Variants in DCDC1 observed in about 807,000 individuals in gnomAD.
DCDC1 encodes the protein doublecortin domain containing 1.
Under a neutral mutation model 178.3 loss-of-function variants are expected in DCDC1, and 200 were observed. The ratio of observed to expected loss-of-function variants is 1.12; its 90% CI spans 1.00 to 1.26. DCDC1 has a LOEUF of 1.26. Among genes scored for constraint, DCDC1 ranks in the 50% most tolerant of loss-of-function variants. The probability of loss-of-function intolerance (pLI) is 0.00; values close to 1 mark genes in which losing one functional copy is unlikely to be tolerated. For synonymous variants in DCDC1, 690 were observed against 604.8 expected, an observed-to-expected ratio of 1.14 and a Z score of -2.07; for missense variants, 1,983 against 1,749.2, an observed-to-expected ratio of 1.13 and a Z score of -2.38.
At chr11:30,939,349 A>AC (rs1947488133) in intron 21 of DCDC1, among the ~76,000 whole-genome samples, 1 of 152,196 alleles carries the variant, frequency 6.6e-6, no homozygotes, top group Non-Finnish European at 1.5e-5. Flanking sequence ...GAGATCCTGG[A>AC]TGGACCACCA....
chr11:31,022,314 A>G (rs1952925458), intron 20 of DCDC1, among the ~76,000 whole-genome samples: 1 of 152,068 alleles, frequency 6.6e-6, no homozygotes, highest in African/African-American at 2.4e-5. Context: ...CTCTGCCTCT[A>G]TTGACAGATA....
At chr11:31,345,974 T>C (rs573207730) in intron 1 of DCDC1, among the ~76,000 whole-genome samples, 2 of 152,304 alleles carry the variant, frequency 1.3e-5, no homozygotes, top group South Asian at 4.1e-4. Flanking sequence ...CTGACTGATA[T>C]ACTATTGATT....
intron 9 of DCDC1, among the ~76,000 whole-genome samples, chr11:31,213,518 G>T (rs563459786): frequency 6.6e-6 from 1 of 151,936 alleles, no homozygotes; most frequent in African/African-American, 2.4e-5. Flanking sequence ...TCAGGAGTTT[G>T]AGACCAGCCT....
intron 9 of DCDC1, among the ~76,000 whole-genome samples, chr11:31,163,433 T>G (rs941118601): frequency 6.6e-6 from 1 of 152,188 alleles, no homozygotes; most frequent in African/African-American, 2.4e-5. Context: ...TTGTTTGTTT[T>G]TATTCCCATT....
chr11:31,160,674 T>C (rs1451986418), intron 9 of DCDC1, among the ~76,000 whole-genome samples: 2 of 152,180 alleles, frequency 1.3e-5, no homozygotes, highest in Non-Finnish European at 1.5e-5. Flanking sequence ...CACCAGCAGG[T>C]GCTACTTGTA....
intron 36 of DCDC1, 30 bp from the exon 37 acceptor site, chr11:30,881,338 A>G (rs763774086): frequency 6.2e-6 from 10 of 1,610,188 alleles, no homozygotes; most frequent in African/African-American, 1.3e-5. Context: ...CCACATTTGA[A>G]TACGGAATGG....
chr11:31,200,013 T>G (rs559740380), intron 9 of DCDC1, among the ~76,000 whole-genome samples: 1 of 152,228 alleles, frequency 6.6e-6, no homozygotes, highest in South Asian at 2.1e-4. Context: ...ATAAGGAATC[T>G]GGTATTTTTA....
At chr11:31,360,494 T>C (rs1951651635) in intron 1 of DCDC1, among the ~76,000 whole-genome samples, 1 of 152,208 alleles carries the variant, frequency 6.6e-6, no homozygotes, top group Non-Finnish European at 1.5e-5. Context: ...TGATAAAGTT[T>C]AACTTATAAA....
At chr11:31,200,317 T>C (rs1404960168) in intron 9 of DCDC1, among the ~76,000 whole-genome samples, 1 of 152,106 alleles carries the variant, frequency 6.6e-6, no homozygotes, top group Non-Finnish European at 1.5e-5. Flanking sequence ...CATTTCATGA[T>C]TCTGGATAAT....
At chr11:31,181,932 C>A (rs1968853910) in intron 9 of DCDC1, among the ~76,000 whole-genome samples, 1 of 152,022 alleles carries the variant, frequency 6.6e-6, no homozygotes, top group African/African-American at 2.4e-5. Flanking sequence ...AGCATGGGAA[C>A]TTTGTGAAGC....
intron 6 of DCDC1, among the ~76,000 whole-genome samples, chr11:31,295,230 G>A (rs188183235): frequency 1.6e-3 from 248 of 152,138 alleles, no homozygotes; most frequent in African/African-American, 5.7e-3. Context: ...ATTTTTGTTT[G>A]TATTATTTTT....
intron 20 of DCDC1, among the ~76,000 whole-genome samples, chr11:30,959,264 T>C (rs1948947917): frequency 6.6e-6 from 1 of 152,102 alleles, no homozygotes; most frequent in Admixed American, 6.5e-5. Context: ...ATTGAGGGCA[T>C]CTTATTCTCC....
rs574360320 is a variant in DCDC1 at position 30,967,173 on chromosome 11, A to C, written c.2592-14605T>G. Among the ~76,000 whole-genome samples, 137 of 110,126 alleles carry C rather than the reference A, an allele frequency of 1.2e-3. 1 individual carries two copies. Among genetic ancestry groups the C allele is most frequent in the African/African-American group, 4.4e-3 (124 of 28,012 alleles). 72.2% of individuals were successfully genotyped at this position (110,126 alleles called of 152,430 possible). Reference sequence around the variant, plus strand: ...TGGTAGCTTGATGGGGATGGCATTGAATCTGTAAATTACCTTGGGCAGTAT... The same window carrying C: ...TGGTAGCTTGATGGGGATGGCATTGCATCTGTAAATTACCTTGGGCAGTAT... On this transcript the variant is annotated intron_variant, in intron 20 of 38. Coordinates refer to ENST00000684477, the MANE Select transcript of DCDC1 (RefSeq NM_001387274.1).
intron 7 of DCDC1, among the ~76,000 whole-genome samples, chr11:31,266,529 T>G (rs1945176155): frequency 6.6e-6 from 1 of 152,198 alleles, no homozygotes; most frequent in Non-Finnish European, 1.5e-5. Flanking sequence ...TATTCCAAAT[T>G]GAAATTGAAA....
At chr11:31,140,838 C>A (rs932835579) in intron 9 of DCDC1, among the ~76,000 whole-genome samples, 1 of 152,200 alleles carries the variant, frequency 6.6e-6, no homozygotes, top group Non-Finnish European at 1.5e-5. Context: ...ACCTTCCAAA[C>A]TATATCAGTT....
chr11:30,960,060 C>T (rs1355984123), intron 20 of DCDC1, among the ~76,000 whole-genome samples: 1 of 152,148 alleles, frequency 6.6e-6, no homozygotes, highest in East Asian at 1.9e-4. Context: ...CAATCTAAAT[C>T]TCTATCTGAT....
intron 8 of DCDC1, among the ~76,000 whole-genome samples, chr11:31,259,851 T>G (rs1944664041): frequency 6.6e-6 from 1 of 152,180 alleles, no homozygotes; most frequent in Non-Finnish European, 1.5e-5. Context: ...TTCCCTCACT[T>G]AGTCTCTGTT....
chr11:31,209,170 A>G (rs1972210302), intron 9 of DCDC1, among the ~76,000 whole-genome samples: 2 of 152,206 alleles, frequency 1.3e-5, no homozygotes, highest in Non-Finnish European at 2.9e-5. Flanking sequence ...GTAGAAATAC[A>G]AAATTTGCAG....
intron 7 of DCDC1, among the ~76,000 whole-genome samples, chr11:31,267,519 T>C (rs1945251472): frequency 6.6e-6 from 1 of 152,174 alleles, no homozygotes; most frequent in South Asian, 2.1e-4. Flanking sequence ...TTCTAACTTA[T>C]GAGGAAAAGA....
Sources: gnomAD v4.1 joint callset for allele counts (sites outside exome capture counted in the v4.1 genomes callset) on GRCh38, gnomAD v4.1.1 for gene constraint, MANE v1.5 for transcripts, NCBI Gene and HGNC (gene_info 2026-07-23, HGNC 2026-07-21) for gene names.